STEAP2: variants seen among roughly 807,000 people sequenced by gnomAD.
The protein encoded by STEAP2 is metalloreductase STEAP2.
Under a neutral mutation model 46.4 loss-of-function variants are expected in STEAP2, and 30 were observed. The observed-to-expected ratio is 0.65, with a 90% CI of 0.48 to 0.88. STEAP2 has a LOEUF of 0.88. Among genes scored for constraint, STEAP2 ranks in the 40% least tolerant of loss-of-function variants. STEAP2 has a pLI of 0.00. For synonymous variants in STEAP2, 180 were observed against 200.5 expected (o/e 0.90, Z 0.86); for missense variants, 513 against 579.3 (o/e 0.89, Z 1.18).
chr7:90,218,185 G>A (rs1274811043), intron 2 of STEAP2, among the ~76,000 whole-genome samples: 1 of 152,034 alleles, frequency 6.6e-6, no homozygotes, highest in Non-Finnish European at 1.5e-5. Flanking sequence ...CAGATTAATA[G>A]TTTGCAAATA....
chr7:90,215,775 T>C (rs1204900884), intron 1 of STEAP2: 2 of 152,144 alleles, frequency 1.3e-5, no homozygotes. Context: ...GACATAGTTG[T>C]TTTTTGTTTT....
chr7:90,222,243 G>C (rs1336835893), intron 2 of STEAP2, among the ~76,000 whole-genome samples: 2 of 151,970 alleles, frequency 1.3e-5, no homozygotes, highest in African/African-American at 2.4e-5. Flanking sequence ...GCCTTTCTGG[G>C]TGCATGGACC....
At chr7:90,224,913 A>T (rs555342178) in intron 2 of STEAP2, 137 bp from the exon 3 acceptor site, 31 of 663,688 alleles carry the variant, frequency 4.7e-5, no homozygotes, top group Non-Finnish European at 6.9e-5. Flanking sequence ...TTAGCTTACA[A>T]ATTGTGTCTT....
At chr7:90,229,058 T>A (rs1472610228) in intron 4 of STEAP2, among the ~76,000 whole-genome samples, 1 of 152,212 alleles carries the variant, frequency 6.6e-6, no homozygotes, top group Non-Finnish European at 1.5e-5. Flanking sequence ...TAGATACTTA[T>A]TTAAATCAAA....
rs903086467 is a variant in STEAP2 at position 90,211,942 on chromosome 7, C to T, written c.-250C>T. 1 of 152,386 alleles carries T rather than the reference C, an allele frequency of 6.6e-6. No individual in the cohort carries two copies. Among genetic ancestry groups the T allele is most frequent in the Non-Finnish European group, 1.5e-5 (1 of 68,162 alleles). The allele number at this position is 152,386 out of a possible 1,614,324, so 9.4% of individuals were successfully genotyped here. ...TGCAACCGCCAGTCGGAGGTGCAGT[C>T]CGTAGGCCCTGGCCCCCGGGTGGGC... On this transcript the variant is annotated 5_prime_UTR_variant, in exon 1 of 6. Coordinates refer to ENST00000394621, the MANE Select transcript of STEAP2 (RefSeq NM_001244944.2).
At chr7:90,239,348 C>T (rs1796031525), downstream of STEAP2, among the ~76,000 whole-genome samples, 2 of 152,184 alleles carry the variant, frequency 1.3e-5, no homozygotes, top group Admixed American at 6.5e-5. Context: ...ACACCTTAGT[C>T]TTCAACTTCT....
At chr7:90,221,665 G>A (rs929878965) in intron 2 of STEAP2, among the ~76,000 whole-genome samples, 3 of 152,026 alleles carry the variant, frequency 2.0e-5, no homozygotes, top group Non-Finnish European at 1.5e-5. Context: ...GTAGACACCC[G>A]GATACAGGTA....
chr7:90,223,616 T>A (rs1461942185), intron 2 of STEAP2, among the ~76,000 whole-genome samples: 1 of 152,222 alleles, frequency 6.6e-6, no homozygotes, highest in Non-Finnish European at 1.5e-5. Context: ...TCTGGATGTT[T>A]ACCTCTGCCT....
chr7:90,225,434 A>G lies in STEAP2; in HGVS notation c.352A>G (p.Asn118Asp), dbSNP rs757071328. ...GGGTAAAATCCTGATTGATGTGAGC[A>G]ATAACATGAGGATAAACCAGTACCC... ...LVGKILIDVS[N>D]NMRINQYPES... The change falls in exon 3 of 6, where the codon AAT (asparagine) becomes GAT (aspartate). Residue 118 changes from asparagine (N) to aspartate (D), a missense_variant. Physicochemically the swap from Asn to Asp is conservative, Grantham distance 23. Coordinates refer to ENST00000394621, the MANE Select transcript of STEAP2 (RefSeq NM_001244944.2). 6.2e-7 allele frequency: 1 copy of G among 1,613,792 alleles called. No homozygotes were observed. The highest frequency in any genetic ancestry group is 8.5e-7 in the Non-Finnish European group (1 of 1,179,954).
chr7:90,235,223 T>C lies in STEAP2; in HGVS notation c.*2599T>C. On this transcript the variant is annotated 3_prime_UTR_variant, in exon 6 of 6. Transcript: ENST00000394621. ...AATATGAAAAACAAACTTGTGAAAA[T>C]GTATAAAAGATGCATCTGTTGTTTC... is the stretch of plus-strand genomic sequence containing the variant. The C allele has an allele frequency of 8.1e-6, 8 of 983,584 alleles. No individual in the cohort carries two copies. The highest frequency in any genetic ancestry group is 9.7e-6 in the Non-Finnish European group (8 of 828,262). 60.9% of individuals were successfully genotyped at this position (983,584 alleles called of 1,614,324 possible).
Position 90,236,204 on chromosome 7 carries a change from T to A in STEAP2, c.*3580T>A. The A allele has an allele frequency of 3.8e-6, 3 of 789,746 alleles. No individual in the cohort carries two copies. Among genetic ancestry groups the A allele is most frequent in the Non-Finnish European group, 4.6e-6 (3 of 652,654 alleles). The allele number at this position is 789,746 out of a possible 1,614,324, so 48.9% of individuals were successfully genotyped here. A position where few individuals can be genotyped will look rare whatever the true frequency, so the allele number is the denominator to read the frequency against. ...TACAGTTTCCCCCCAAAAAAGAGATTTATTTATGAAATATTTAAAGTTTCT... is the reference window on the plus strand; with the variant it reads ...TACAGTTTCCCCCCAAAAAAGAGATATATTTATGAAATATTTAAAGTTTCT... On this transcript the variant is annotated 3_prime_UTR_variant, in exon 6 of 6. Coordinates refer to ENST00000394621, the MANE Select transcript of STEAP2 (RefSeq NM_001244944.2).
At chr7:90,226,932 C>T in intron 3 of STEAP2, 39 bp from the exon 4 acceptor site, 2 of 1,524,468 alleles carry the variant, frequency 1.3e-6, no homozygotes, top group Non-Finnish European at 1.8e-6. Context: ...TTTTTATAAA[C>T]AACAATGGTA....
Position 90,234,384 on chromosome 7 carries a change from C to T in STEAP2, c.*1760C>T, listed in dbSNP as rs557165316. On this transcript the variant is annotated 3_prime_UTR_variant, in exon 6 of 6. Coordinates refer to ENST00000394621, the MANE Select transcript of STEAP2 (RefSeq NM_001244944.2). ...ATTATAACATTTCTAAACTTACCCA[C>T]GTAGGTACTACTGAATCCAACTGCC... The T allele has an allele frequency of 8.3e-5, 82 of 985,254 alleles. No individual in the cohort carries two copies. The Admixed American group carries it at 1.8e-3, about 22-fold the overall frequency. The allele number at this position is 985,254 out of a possible 1,614,324, so 61.0% of individuals were successfully genotyped here. A position where few individuals can be genotyped will look rare whatever the true frequency, so the allele number is the denominator to read the frequency against.
chr7:90,216,777 A>G (rs573910168), intron 2 of STEAP2, among the ~76,000 whole-genome samples, 174 bp downstream of exon 2: 1 of 152,326 alleles, frequency 6.6e-6, no homozygotes, highest in African/African-American at 2.4e-5. Context: ...ATAATAAAAC[A>G]TCTGCTAATC....
At chr7:90,242,327 C>T (rs958032257), downstream of STEAP2, among the ~76,000 whole-genome samples, 5 of 152,160 alleles carry the variant, frequency 3.3e-5, no homozygotes, top group Admixed American at 2.0e-4. Flanking sequence ...TCAGGAAAGT[C>T]TCTTCAGTTA....
At position 90,235,771 on chromosome 7, in the gene STEAP2, T is replaced by A. The variant is rs2116403861; in HGVS notation, c.*3147T>A. The A allele has an allele frequency of 1.2e-6, 1 of 801,308 alleles. No individual in the cohort carries two copies. Among genetic ancestry groups the A allele is most frequent in the South Asian group, 5.7e-5 (1 of 17,426 alleles). The allele number at this position is 801,308 out of a possible 1,614,324, so 49.6% of individuals were successfully genotyped here. ...GAATCTATTCATGCTAACATTATTTTTCAAAACATACATGGAAATTTAGCC... is the reference window on the plus strand; with the variant it reads ...GAATCTATTCATGCTAACATTATTTATCAAAACATACATGGAAATTTAGCC... On this transcript the variant is annotated 3_prime_UTR_variant, in exon 6 of 6. Transcript: ENST00000394621.
downstream of STEAP2, among the ~76,000 whole-genome samples, chr7:90,238,349 A>T (rs1349439659): frequency 2.6e-5 from 4 of 152,250 alleles, no homozygotes; most frequent in Non-Finnish European, 4.4e-5. Flanking sequence ...TTAAATTTGA[A>T]TTGCAGACAA....
In STEAP2 at chr7:90,236,494, A is replaced by G. The variant is rs1285273077; in HGVS notation, c.*3870A>G. On this transcript the variant is annotated 3_prime_UTR_variant, in exon 6 of 6. Coordinates refer to ENST00000394621, the MANE Select transcript of STEAP2 (RefSeq NM_001244944.2). The stretch of plus-strand genomic sequence containing the variant: ...TCAATTGTTCATCAGTGGGTAAAAC[A>G]AATTCTGATGTACATTCAGGACAAA... 1.0e-6 allele frequency: 1 copy of G among 1,003,244 alleles called. No homozygotes were observed. The highest frequency in any genetic ancestry group is 1.7e-5 in the African/African-American group (1 of 57,454). 62.1% of individuals were successfully genotyped at this position (1,003,244 alleles called of 1,614,324 possible).
Position 90,234,155 on chromosome 7 carries a change from G to A in STEAP2, c.*1531G>A, listed in dbSNP as rs17864943. 2.1e-5 allele frequency: 21 copies of A among 985,332 alleles called. No homozygotes were observed. In the Admixed American group the frequency reaches 1.1e-3, roughly 52 times the overall value. 61.0% of individuals were successfully genotyped at this position (985,332 alleles called of 1,614,324 possible). On this transcript the variant is annotated 3_prime_UTR_variant, in exon 6 of 6. Coordinates refer to ENST00000394621, the MANE Select transcript of STEAP2 (RefSeq NM_001244944.2). ...CTTTACAAGCATGAAGGATATTAGG[G>A]TAAGTGGCTAATTATAAATCTACTC...
Sources: allele counts gnomAD v4.1 joint callset (sites outside exome capture counted in the v4.1 genomes callset), GRCh38; gene constraint gnomAD v4.1.1; transcripts MANE v1.5; gene names NCBI Gene and HGNC (gene_info 2026-07-23, HGNC 2026-07-21).